Variants in KAZN observed in about 807,000 individuals in gnomAD.
KAZN encodes kazrin.
A neutral mutation model predicts 87.4 loss-of-function variants in KAZN; 40 were observed. The observed-to-expected ratio is 0.46, with a 90% CI of 0.36 to 0.60. The LOEUF (loss-of-function observed/expected upper bound fraction) is 0.60, where lower values mean the gene tolerates loss of function less well. Ranked by LOEUF, KAZN falls within the 20% of genes least tolerant of loss-of-function variation. The pLI, the probability that KAZN is intolerant of heterozygous loss-of-function variation, is 0.00. For missense variants in KAZN, 898 were observed against 1,073.9 expected (o/e 0.84, Z 2.29); for synonymous variants, 466 against 458.3 (o/e 1.02, Z -0.22).
intron 1 of KAZN, among the ~76,000 whole-genome samples, chr1:14,126,436 C>G (rs1464572618): frequency 6.7e-6 from 1 of 149,644 alleles, no homozygotes; most frequent in East Asian, 2.0e-4. Context: ...AGTGATACCT[C>G]AGGCCCACAG....
intron 1 of KAZN, among the ~76,000 whole-genome samples, chr1:14,641,713 T>C (rs12037797): frequency 0.18 from 27,355 of 152,212 alleles, 2,648 homozygotes; most frequent in South Asian, 0.28. Context: ...ATACCACCCT[T>C]CGTTACGAGA....
intron 1 of KAZN, among the ~76,000 whole-genome samples, chr1:13,944,002 A>G (rs978888255): frequency 8.6e-5 from 12 of 140,142 alleles, no homozygotes; most frequent in Non-Finnish European, 1.9e-4. Context: ...TAAAACTATC[A>G]TAGCAATTCC....
At chr1:15,006,133 G>A (rs1041826633) in intron 2 of KAZN, among the ~76,000 whole-genome samples, 1 of 152,198 alleles carries the variant, frequency 6.6e-6, no homozygotes, top group East Asian at 1.9e-4. Flanking sequence ...CAGCCCAGGG[G>A]CACCAGCAAA....
chr1:14,435,875 G>A (rs1666355829), intron 2 of KAZN, among the ~76,000 whole-genome samples: 1 of 151,966 alleles, frequency 6.6e-6, no homozygotes, highest in African/African-American at 2.4e-5. Context: ...CTTAGAATGG[G>A]GATGGTGACA....
At chr1:14,868,824 A>G (rs1651823986) in intron 1 of KAZN, among the ~76,000 whole-genome samples, 1 of 152,004 alleles carries the variant, frequency 6.6e-6, no homozygotes, top group African/African-American at 2.4e-5. Context: ...AGCCTGCACA[A>G]CAGAATGAGA....
Position 15,056,410 on chromosome 1 carries a change from G to A in KAZN, c.916+130G>A, listed in dbSNP as rs957121220. 1.1e-6 allele frequency: 1 copy of A among 930,742 alleles called. No individual in the cohort carries two copies. Among genetic ancestry groups the A allele is most frequent in the Admixed American group, 2.9e-5 (1 of 34,832 alleles). The allele number at this position is 930,742 out of a possible 1,614,324, so 57.7% of individuals were successfully genotyped here. On this transcript the variant is annotated intron_variant, in intron 5 of 14. Coordinates refer to ENST00000376030, the MANE Select transcript of KAZN (RefSeq NM_201628.3). The surrounding 1 kb of genome is among the most constrained non-coding windows in gnomAD (Gnocchi z 5.4). ...TGGGGGCGTGGGACAGAGACCTTGG[G>A]CTCATGTAACTGAAAAATCTAAGAG...
intron 2 of KAZN, among the ~76,000 whole-genome samples, chr1:14,478,223 T>TAGAAGGAAGGAAGGAAGGAAGGAAA (rs1447821408): frequency 2.3e-5 from 3 of 128,990 alleles, no homozygotes; most frequent in East Asian, 2.8e-4. Flanking sequence ...GATGGATGGA[T>TAGAAGGAAGGAAGGAAGGAAGGAAA]AGAAGGAAGG....
chr1:14,245,526 T>TA (rs995220378), intron 2 of KAZN, among the ~76,000 whole-genome samples: 29 of 152,034 alleles, frequency 1.9e-4, no homozygotes, highest in African/African-American at 4.6e-4. Flanking sequence ...TTCACCGTGA[T>TA]AAAAAAAATC....
At chr1:15,028,412 A>G (rs1403370967) in intron 2 of KAZN, among the ~76,000 whole-genome samples, 1 of 152,242 alleles carries the variant, frequency 6.6e-6, no homozygotes, top group Non-Finnish European at 1.5e-5. Context: ...CCAGTCCCAG[A>G]GAAACACAGC....
intron 4 of KAZN, among the ~76,000 whole-genome samples, chr1:15,054,757 C>T (rs1209049566): frequency 2.0e-5 from 3 of 152,316 alleles, no homozygotes; most frequent in East Asian, 1.9e-4. Context: ...CTAATAAAAC[C>T]CCAGATATTC....
intron 2 of KAZN, among the ~76,000 whole-genome samples, chr1:15,007,075 A>C (rs1340329598): frequency 7.8e-6 from 1 of 127,390 alleles, no homozygotes; most frequent in Non-Finnish European, 1.7e-5. Context: ...AAAAAAAAAA[A>C]AAGAAAAACA....
At chr1:14,766,131 C>T (rs1034102925) in intron 1 of KAZN, among the ~76,000 whole-genome samples, 13 of 152,116 alleles carry the variant, frequency 8.5e-5, no homozygotes, top group Admixed American at 1.3e-4. Flanking sequence ...TATATGAGAG[C>T]GAGCTGCCAC....
At chr1:14,565,973 C>A (rs2148536271) in intron 2 of KAZN, among the ~76,000 whole-genome samples, 1 of 152,256 alleles carries the variant, frequency 6.6e-6, no homozygotes, top group Admixed American at 6.5e-5. Flanking sequence ...TTCCAAACTC[C>A]TTTTAATGTT....
chr1:15,046,292 C>T (rs1168866235), intron 4 of KAZN, among the ~76,000 whole-genome samples: 14 of 50,340 alleles, frequency 2.8e-4, no homozygotes, highest in East Asian at 1.7e-3. Flanking sequence ...AGCAAGACTC[C>T]GTCTCAAAAA....
chr1:13,931,472 G>GTGTGTGTGTGCATGCA (rs1640510066), intron 1 of KAZN, among the ~76,000 whole-genome samples: 1 of 151,024 alleles, frequency 6.6e-6, no homozygotes, highest in Non-Finnish European at 1.5e-5. Flanking sequence ...GTGTGCATGC[G>GTGTGTGTGTGCATGCA]TGTGTGTGTG....
chr1:14,330,577 GA>G (rs1377785752), intron 2 of KAZN, among the ~76,000 whole-genome samples: 1 of 152,222 alleles, frequency 6.6e-6, no homozygotes, highest in East Asian at 1.9e-4. Context: ...CAATTCACTT[GA>G]AAAGCCAGAT....
At chr1:14,697,011 C>A (rs1299450686) in intron 1 of KAZN, among the ~76,000 whole-genome samples, 2 of 151,918 alleles carry the variant, frequency 1.3e-5, no homozygotes, top group Non-Finnish European at 2.9e-5. Flanking sequence ...AAGAAAAGGG[C>A]CAGACACAGT....
intron 2 of KAZN, among the ~76,000 whole-genome samples, chr1:15,009,347 A>T (rs1453014415): frequency 6.6e-6 from 1 of 152,238 alleles, no homozygotes; most frequent in Non-Finnish European, 1.5e-5. Flanking sequence ...CAGTGTGCTT[A>T]TGGAGAACTC....
rs371500792 is a variant in KAZN at position 14,960,782 on chromosome 1, G to T, written c.325G>T (p.Gly109Cys). The change falls in exon 2 of 15, where the codon GGC (glycine) becomes TGC (cysteine). Residue 109 changes from glycine (G) to cysteine (C), a missense_variant. Around this residue, in one of 3 missense-constraint regions of KAZN, gnomAD observed 250 missense variants for 263.0 expected, o/e 0.95. Coordinates refer to ENST00000376030, the MANE Select transcript of KAZN (RefSeq NM_201628.3). ...GAAGGACCTGGAGGAGTCGCAGGGC[G>T]GCAAGTCCTCTGAGGTCCTCTCGGC... ...LAKDLEESQG[G>C]KSSEVLSATE... is the part of the protein sequence containing the mutation. 3.0e-5 allele frequency: 48 copies of T among 1,611,356 alleles called. No individual in the cohort carries two copies. Among genetic ancestry groups the T allele is most frequent in the Non-Finnish European group, 3.8e-5 (45 of 1,179,032 alleles).
Sources: allele counts gnomAD v4.1 joint callset (sites outside exome capture counted in the v4.1 genomes callset), GRCh38; gene constraint gnomAD v4.1.1; regional missense constraint gnomAD v4.1.1; non-coding constraint Gnocchi (gnomAD v3.1); transcripts MANE v1.5; gene names NCBI Gene and HGNC (gene_info 2026-07-23, HGNC 2026-07-21).